Variants in STRC observed in about 807,000 individuals in gnomAD.
STRC encodes stereocilin.
STRC carries 43 observed loss-of-function variants against 103.5 expected under a neutral mutation model. That is an observed-to-expected ratio of 0.42 (90% CI 0.33 to 0.54). STRC has a LOEUF of 0.54. STRC is among the 20% of genes least tolerant of loss of function. The probability of loss-of-function intolerance (pLI) is 0.14; values close to 1 mark genes in which losing one functional copy is unlikely to be tolerated. For synonymous variants in STRC, 186 were observed against 442.3 expected (o/e 0.42, Z 7.27); for missense variants, 499 against 1,088.5 (o/e 0.46, Z 7.62).
intron 18 of STRC, among the ~76,000 whole-genome samples, chr15:43,606,442 A>T (rs1283931262): frequency 2.0e-5 from 3 of 146,746 alleles, no homozygotes; most frequent in Non-Finnish European, 4.5e-5. Flanking sequence ...TCTACTAAAA[A>T]TGCAAAAATT....
rs2085694314 is a variant in STRC at position 43,604,093 on chromosome 15, C to T, written c.4278G>A (p.Gln1426=). The change falls in exon 22 of 29, where the codon CAG becomes CAA. Residue 1426 remains glutamine (Q), a synonymous_variant. Transcript: ENST00000450892. The stretch of plus-strand genomic sequence containing the variant: ...CCCTACACAGCTGTCCAACTCTGCT[C>T]TGCTCCCAGCTCTGCTGCTTTTCTA... ...RLLEKQQSWE[Q]SRVGQLCREP... The T allele has an allele frequency of 6.2e-7, 1 of 1,613,050 alleles. No individual in the cohort carries two copies. The highest frequency in any genetic ancestry group is 1.7e-5 in the Admixed American group (1 of 59,952).
chr15:43,601,542 G>A lies in STRC; in HGVS notation c.4555C>T (p.Pro1519Ser), dbSNP rs750246174. 4 of 1,613,688 alleles carry A rather than the reference G, an allele frequency of 2.5e-6. No homozygotes were observed. The highest frequency in any genetic ancestry group is 1.7e-5 in the Admixed American group (1 of 59,984). ...AMGKAKQLWG[P>S]PRGFRPEQIL... ...TGCTCAGGACGAAATCCCCGGGGGG[G>A]ACCCCACAACTAGGAGAAAGACAGG... The change falls in exon 24 of 29, where the codon CCC becomes TCC. Residue 1519 changes from proline to serine, a missense_variant. Transcript: ENST00000450892.
rs765242151 is a variant in STRC, at chr15:43,604,420, C to G, written c.4159G>C (p.Glu1387Gln). 1.0e-5 allele frequency: 16 copies of G among 1,584,672 alleles called. 1 individual carries two copies. The Admixed American group carries it at 2.1e-4, about 21-fold the overall frequency. ...GTGAATACTAGGCGTCCAGCTTGCT[C>G]TACTTCATCCTGGCTCCACAACTCT... The part of the protein sequence containing the change: ...KPELWSQDEV[E>Q]QAGRLVFTLS... The change falls in exon 21 of 29, where the codon GAG (glutamate) becomes CAG (glutamine). Residue 1387 changes from glutamate (E) to glutamine (Q), a missense_variant. Coordinates refer to ENST00000450892, the MANE Select transcript of STRC (RefSeq NM_153700.2).
At chr15:43,605,115 G>A in intron 19 of STRC, 149 bp downstream of exon 19, 3 of 1,507,122 alleles carry the variant, frequency 2.0e-6, no homozygotes, top group South Asian at 2.4e-5. Flanking sequence ...GAACCCAGAG[G>A]CAAAACAGGG....
At chr15:43,609,132 T>C (rs2085731178) in intron 16 of STRC, 144 bp downstream of exon 16, 1 of 707,610 alleles carries the variant, frequency 1.4e-6, no homozygotes, top group Non-Finnish European at 2.6e-6. Flanking sequence ...CAAAGGGAGG[T>C]GCTAGGAGAA....
chr15:43,606,788 C>T lies in STRC; in HGVS notation c.3794+1075G>A, dbSNP rs2085713172. ...GCCGAGGTGGGCAGATCACTTGAAGCCAGGAGTTCAAGACCAGCCTGGCCA... is the reference window on the plus strand; with the variant it reads ...GCCGAGGTGGGCAGATCACTTGAAGTCAGGAGTTCAAGACCAGCCTGGCCA... On this transcript the variant is annotated intron_variant, in intron 18 of 28. Coordinates refer to ENST00000450892, the MANE Select transcript of STRC (RefSeq NM_153700.2). Among the ~76,000 whole-genome samples the T allele has an allele frequency of 6.0e-5, 7 of 116,812 alleles. No individual in the cohort carries two copies. In the South Asian group the frequency reaches 2.4e-3, roughly 40 times the overall value. 76.6% of individuals were successfully genotyped at this position (116,812 alleles called of 152,430 possible). A position where few individuals can be genotyped will look rare whatever the true frequency, so the allele number is the denominator to read the frequency against.
intron 22 of STRC, 50 bp downstream of exon 22, chr15:43,603,946 G>A (rs1193623401): frequency 3.1e-6 from 5 of 1,611,136 alleles, no homozygotes; most frequent in East Asian, 2.2e-5. Context: ...CAGACCGTTT[G>A]ATACTCCCTG....
At chr15:43,601,722 G>A (rs2085670454) in intron 23 of STRC, 171 bp from the exon 24 acceptor site, 5 of 688,718 alleles carry the variant, frequency 7.3e-6, no homozygotes, top group Non-Finnish European at 1.0e-5. Context: ...GTTCCTCTAA[G>A]GTGTTTTGAA....
intron 22 of STRC, 95 bp from the exon 23 acceptor site, chr15:43,603,506 G>A (rs1467227110): frequency 9.0e-6 from 12 of 1,326,334 alleles, no homozygotes; most frequent in Non-Finnish European, 1.3e-5. Context: ...ACCTTTGGAG[G>A]ATAGAGCACT....
chr15:43,603,903 A>T, intron 22 of STRC, 93 bp downstream of exon 22: 1 of 1,593,710 alleles, frequency 6.3e-7, no homozygotes, highest in Non-Finnish European at 8.6e-7. Flanking sequence ...TAAATTAGAA[A>T]ACCCAGTCCC....
Position 43,604,166 on chromosome 15 carries a change from T to A in STRC, c.4219-14A>T. 1 of 1,608,736 alleles carries A rather than the reference T, an allele frequency of 6.2e-7. No individual in the cohort carries two copies. The highest frequency in any genetic ancestry group is 8.5e-7 in the Non-Finnish European group (1 of 1,177,840). On this transcript the variant is annotated splice_polypyrimidine_tract_variant and intron_variant, in intron 21 of 28. Coordinates refer to ENST00000450892, the MANE Select transcript of STRC (RefSeq NM_153700.2). ...ACCCAAGGCCTCCTGCATGAGAAGG[T>A]AGAAGGAGAGTGGGGAGATCTGGAC... is the stretch of plus-strand genomic sequence containing the variant.
rs374974955 is a variant in STRC at position 43,603,997 on chromosome 15, T to C, written c.4374A>G (p.Pro1458=). 8.1e-6 allele frequency: 13 copies of C among 1,612,918 alleles called. No individual in the cohort carries two copies. In the African/African-American group the frequency reaches 1.7e-4, roughly 22 times the overall value. ...GVVRPAAEDL[P]EPVPNCADVR... ...ATATAAGTATTTGGGTAGTTTCACC[T>C]GGAAGATCCTCAGCAGCTGGTCGCA... Residue 1458 remains proline, a splice_region_variant and synonymous_variant, in exon 22 of 29, where the codon CCA becomes CCG. Transcript: ENST00000450892.
rs778401950 is a variant in STRC at position 43,601,378 on chromosome 15, GA to G, written c.4701+17del. ...GGATGGGTGTTTGGGAAGCCGTAGGGAGGAGGAAAAGTGTTACCTGAGTGGT... is the reference window on the plus strand; with the variant it reads ...GGATGGGTGTTTGGGAAGCCGTAGGGGGAGGAAAAGTGTTACCTGAGTGGT... On this transcript the variant is annotated intron_variant, in intron 24 of 28. Coordinates refer to ENST00000450892, the MANE Select transcript of STRC (RefSeq NM_153700.2). 2.0e-5 allele frequency: 33 copies of G among 1,612,596 alleles called. No homozygotes were observed. In the Middle Eastern group the frequency reaches 5.8e-4, roughly 28 times the overall value.
At chr15:43,603,088 A>G (rs1200272867) in intron 23 of STRC, among the ~76,000 whole-genome samples, 154 bp downstream of exon 23, 2 of 151,514 alleles carry the variant, frequency 1.3e-5, no homozygotes, top group African/African-American at 4.9e-5. Context: ...CTCAATATTT[A>G]TCTCCCTTCA....
chr15:43,608,826 G>A (rs1322568258), intron 16 of STRC, among the ~76,000 whole-genome samples: 8 of 150,604 alleles, frequency 5.3e-5, no homozygotes, highest in Admixed American at 4.6e-4. Flanking sequence ...CTTGGCCAGT[G>A]CCTCTGAAGT....
chr15:43,600,704 G>A (rs770037300), intron 25 of STRC, 22 bp from the exon 26 acceptor site: 1 of 1,612,978 alleles, frequency 6.2e-7, no homozygotes, highest in Admixed American at 1.7e-5. Context: ...TAGGAAGGAA[G>A]GAAGAAGAAT....
chr15:43,603,547 G>C, intron 22 of STRC, 136 bp from the exon 23 acceptor site: 2 of 974,194 alleles, frequency 2.1e-6, no homozygotes, highest in South Asian at 1.3e-5. Context: ...GAGTATTACA[G>C]AGTAATATGT....
In STRC at chr15:43,604,301, A is replaced by C; in HGVS notation, c.4218+60T>G. The C allele has an allele frequency of 1.2e-5, 19 of 1,588,146 alleles. 1 individual carries two copies. Among genetic ancestry groups the C allele is most frequent in the Non-Finnish European group, 1.5e-5 (18 of 1,164,402 alleles). ...TTGCCCTCTTTGGCCACGGGTCCCC[A>C]TAACCAGCTCACCAGTCCCCTCTAT... On this transcript the variant is annotated intron_variant, in intron 21 of 28. Coordinates refer to ENST00000450892, the MANE Select transcript of STRC (RefSeq NM_153700.2).
At chr15:43,608,029 C>G (rs540145692) in intron 17 of STRC, 51 bp downstream of exon 17, 1 of 1,611,028 alleles carries the variant, frequency 6.2e-7, no homozygotes, top group Non-Finnish European at 8.5e-7. Context: ...GGTTCTATAC[C>G]TAGGGTCCCA....
Sources: gnomAD v4.1 joint callset for allele counts (sites outside exome capture counted in the v4.1 genomes callset) on GRCh38, gnomAD v4.1.1 for gene constraint, MANE v1.5 for transcripts, NCBI Gene and HGNC (gene_info 2026-07-23, HGNC 2026-07-21) for gene names.